The following TEX36 variants were observed in gnomAD, a reference collection of about 807,000 sequenced individuals.
TEX36 encodes testis-expressed protein 36.
In TEX36, 12 loss-of-function variants were observed where a neutral mutation model predicts 13.6. The observed-to-expected ratio is 0.88, with a 90% confidence interval of 0.56 to 1.43. The LOEUF (loss-of-function observed/expected upper bound fraction) is 1.43. TEX36 is among the 40% of genes most tolerant of loss of function. The pLI, the probability that TEX36 is intolerant of heterozygous loss-of-function variation, is 0.00. For missense variants in TEX36, 224 were observed against 228.3 expected, an observed-to-expected ratio of 0.98 and a Z score of 0.12; for synonymous variants, 93 against 83.0, an observed-to-expected ratio of 1.12 and a Z score of -0.65.
At chr10:125,648,425 A>T (rs1846805200) in intron 3 of TEX36, among the ~76,000 whole-genome samples, 1 of 152,216 alleles carries the variant, frequency 6.6e-6, no homozygotes, top group South Asian at 2.1e-4. Flanking sequence ...ACTCCAACAG[A>T]CCTGCAGCTG....
intron 3 of TEX36, among the ~76,000 whole-genome samples, chr10:125,600,828 C>G (rs776856002): frequency 7.9e-5 from 12 of 152,218 alleles, no homozygotes; most frequent in Non-Finnish European, 1.6e-4. Context: ...GGAGCCCTGT[C>G]TGTGAGAAAG....
chr10:125,625,400 G>A (rs1401548157), intron 3 of TEX36, among the ~76,000 whole-genome samples: 8 of 152,244 alleles, frequency 5.3e-5, no homozygotes, highest in Non-Finnish European at 8.8e-5. Context: ...GTAGAAGACA[G>A]AGAGTTGCCC....
chr10:125,595,849 C>A (rs1172559034), intron 3 of TEX36, among the ~76,000 whole-genome samples: 1 of 152,192 alleles, frequency 6.6e-6, no homozygotes, highest in Non-Finnish European at 1.5e-5. Flanking sequence ...TATTGTCTCC[C>A]TGTCTAGAAT....
chr10:125,637,525 G>A (rs1565180537), intron 3 of TEX36, among the ~76,000 whole-genome samples: 1 of 152,044 alleles, frequency 6.6e-6, no homozygotes, highest in Non-Finnish European at 1.5e-5. Context: ...TAGCGATTGT[G>A]AACAGTGCTG....
chr10:125,581,064 C>T (rs1473269145), intron 3 of TEX36, among the ~76,000 whole-genome samples: 1 of 152,148 alleles, frequency 6.6e-6, no homozygotes, highest in Non-Finnish European at 1.5e-5. Flanking sequence ...ACTCCATAGC[C>T]CCGGCCCACC....
intron 3 of TEX36, chr10:125,640,318 G>T: frequency 1.9e-6 from 1 of 538,446 alleles, no homozygotes. Flanking sequence ...TTTCTATTGG[G>T]AGAGAGAATA....
Position 125,661,051 on chromosome 10 carries a change from G to A in TEX36, c.234C>T (p.Ser78=), listed in dbSNP as rs1231897508. 1.3e-6 allele frequency: 2 copies of A among 1,551,834 alleles called. No homozygotes were observed. The highest frequency in any genetic ancestry group is 1.7e-6 in the Non-Finnish European group (2 of 1,146,952). Residue 78 remains serine (S), a synonymous_variant, in exon 3 of 4, where the codon AGC becomes AGT. Coordinates refer to ENST00000368821, the MANE Select transcript of TEX36 (RefSeq NM_001128202.3). ...CAAGGTAGCATCCAGAGTTCTCCAAGCTGTGCCGATTGTCATGCACGGAGA... is the reference window on the plus strand; with the variant it reads ...CAAGGTAGCATCCAGAGTTCTCCAAACTGTGCCGATTGTCATGCACGGAGA... The part of the protein sequence containing the change: ...FPFSVHDNRH[S]LENSGCYLDS...
chr10:125,640,024 C>T, intron 3 of TEX36: 1 of 321,290 alleles, frequency 3.1e-6, no homozygotes, highest in Non-Finnish European at 4.5e-6. Flanking sequence ...CATGTGTTCT[C>T]AGCAGAGAAG....
intron 1 of TEX36, among the ~76,000 whole-genome samples, chr10:125,676,857 T>A (rs530155188): frequency 3.9e-5 from 6 of 152,310 alleles, no homozygotes; most frequent in African/African-American, 9.6e-5. Flanking sequence ...CTTCCAGGGA[T>A]CCCTTGAGTA....
At position 125,655,860 on chromosome 10, in the gene TEX36, T is replaced by G; in HGVS notation, c.*40A>C. ...TATACTTTTAGGATGTCTGATGAAATACCAGTATTACAAAATTCATCAAAA... is the reference window on the plus strand; with the variant it reads ...TATACTTTTAGGATGTCTGATGAAAGACCAGTATTACAAAATTCATCAAAA... On this transcript the variant is annotated 3_prime_UTR_variant, in exon 4 of 4. Transcript: ENST00000368821. The G allele has an allele frequency of 6.9e-7, 1 of 1,449,476 alleles. No homozygotes were observed. The highest frequency in any genetic ancestry group is 9.1e-7 in the Non-Finnish European group (1 of 1,097,164). The allele number at this position is 1,449,476 out of a possible 1,614,324, so 89.8% of individuals were successfully genotyped here.
chr10:125,583,951 T>A (rs1318220946), intron 3 of TEX36, among the ~76,000 whole-genome samples: 1 of 152,086 alleles, frequency 6.6e-6, no homozygotes, highest in Non-Finnish European at 1.5e-5. Flanking sequence ...CACCCCCAAA[T>A]CTGTCAGGCC....
rs187756320 is a variant in TEX36, at chr10:125,603,814, C to T, written c.265-26940G>A. Among the ~76,000 whole-genome samples the T allele has an allele frequency of 1.6e-3, 244 of 152,270 alleles. 2 individuals are homozygous for T. Among genetic ancestry groups the T allele is most frequent in the Admixed American group, 0.015 (224 of 15,306 alleles). ...CAGTCTGAGATGATACACCCCCCTCCACCGGAACACAGGACCCTCTAGAGT... is the reference window on the plus strand; with the variant it reads ...CAGTCTGAGATGATACACCCCCCTCTACCGGAACACAGGACCCTCTAGAGT... On this transcript the variant is annotated intron_variant, in intron 3 of 3. Coordinates refer to the TEX36 transcript ENST00000532135.
intron 1 of TEX36, among the ~76,000 whole-genome samples, chr10:125,680,159 G>A (rs954201937): frequency 3.3e-5 from 5 of 152,062 alleles, no homozygotes; most frequent in Non-Finnish European, 7.3e-5. Context: ...ATAATACAAA[G>A]GGTCTTCGGG....
At chr10:125,624,844 C>A (rs1358301476) in intron 3 of TEX36, among the ~76,000 whole-genome samples, 2 of 152,032 alleles carry the variant, frequency 1.3e-5, no homozygotes, top group Non-Finnish European at 2.9e-5. Context: ...GCAAGCACAG[C>A]CACCTAAGAA....
downstream of TEX36, among the ~76,000 whole-genome samples, chr10:125,652,872 C>G (rs1846881325): frequency 6.6e-6 from 1 of 152,150 alleles, no homozygotes; most frequent in African/African-American, 2.4e-5. Context: ...ATGCAGCCAA[C>G]AGACACATGA....
chr10:125,611,257 C>G (rs1846286153), intron 3 of TEX36, among the ~76,000 whole-genome samples: 1 of 152,068 alleles, frequency 6.6e-6, no homozygotes, highest in Non-Finnish European at 1.5e-5. Flanking sequence ...GTGAAATTAC[C>G]AAATAGGCAT....
chr10:125,630,136 C>T lies in TEX36; in HGVS notation c.265-8491G>A, dbSNP rs1221467403. On this transcript the variant is annotated intron_variant, in intron 3 of 3. Transcript: ENST00000526819. ...GCTAGGCATTAAAAATCTCAATGTG[C>T]TCATATTTAATGACAGCTATAATGG... 2.6e-5 allele frequency among the ~76,000 whole-genome samples: 4 copies of T among 152,298 alleles called. No individual in the cohort carries two copies. The East Asian group carries it at 5.8e-4, about 22-fold the overall frequency.
chr10:125,594,737 C>T (rs1323796494), intron 3 of TEX36, among the ~76,000 whole-genome samples: 1 of 152,014 alleles, frequency 6.6e-6, no homozygotes, highest in Admixed American at 6.6e-5. Context: ...GGGAAAGTCA[C>T]AACATATGTT....
intron 3 of TEX36, among the ~76,000 whole-genome samples, chr10:125,596,371 A>T (rs1193433067): frequency 6.6e-6 from 1 of 152,166 alleles, no homozygotes; most frequent in Non-Finnish European, 1.5e-5. Context: ...GAAAGGGAAG[A>T]GGAGGAAGAG....
Sources: allele counts gnomAD v4.1 joint callset (sites outside exome capture counted in the v4.1 genomes callset), GRCh38; gene constraint gnomAD v4.1.1; transcripts MANE v1.5; gene names NCBI Gene and HGNC (gene_info 2026-07-23, HGNC 2026-07-21).